CSMD1: variants seen among roughly 807,000 people sequenced by gnomAD.
CSMD1 encodes CUB and sushi domain-containing protein 1.
In CSMD1, 213 loss-of-function variants were observed where a neutral mutation model predicts 417.5. The observed-to-expected ratio is 0.51, with a 90% confidence interval of 0.46 to 0.57. CSMD1 has a LOEUF of 0.57. Ranked by LOEUF, CSMD1 falls within the 20% of genes least tolerant of loss-of-function variation. CSMD1 has a pLI of 0.00. For synonymous variants in CSMD1, 2,862 were observed against 1,736.8 expected (o/e 1.65, Z -16.11); for missense variants, 6,923 against 4,529.7 (o/e 1.53, Z -15.17).
intron 1 of CSMD1, among the ~76,000 whole-genome samples, chr8:4,857,117 C>A (rs1052015777): frequency 9.9e-5 from 15 of 151,098 alleles, no homozygotes; most frequent in Non-Finnish European, 2.1e-4. Context: ...GAATCTCACT[C>A]ACAACCGCTC....
intron 5 of CSMD1, among the ~76,000 whole-genome samples, chr8:3,841,964 A>C (rs1209156691): frequency 6.6e-6 from 1 of 152,190 alleles, no homozygotes; most frequent in Non-Finnish European, 1.5e-5. Context: ...TACTGCTTCC[A>C]AAAGCAGTTT....
At chr8:4,747,552 C>A (rs1043355494) in intron 1 of CSMD1, among the ~76,000 whole-genome samples, 1 of 152,148 alleles carries the variant, frequency 6.6e-6, no homozygotes, top group Non-Finnish European at 1.5e-5. Flanking sequence ...AATTTATGAT[C>A]CTCCTACGGT....
At position 4,380,143 on chromosome 8, in the gene CSMD1, A is replaced by G. The variant is rs1031067780; in HGVS notation, c.415+39810T>C. Among the ~76,000 whole-genome samples the G allele has an allele frequency of 6.6e-5, 10 of 152,354 alleles. No homozygotes were observed. The South Asian group carries it at 1.7e-3, about 25-fold the overall frequency. On this transcript the variant is annotated intron_variant, in intron 3 of 69. Transcript: ENST00000635120. ...GTGTTGAATTCTAAATAGTTTCTAC[A>G]TATCTGCCCTCAGAAGGTGGCATGT...
chr8:4,462,550 A>G (rs1799900122), intron 2 of CSMD1, among the ~76,000 whole-genome samples: 2 of 152,184 alleles, frequency 1.3e-5, no homozygotes, highest in African/African-American at 4.8e-5. Context: ...AATCTTTAAA[A>G]AAGAAAAATT....
intron 22 of CSMD1, 85 bp from the exon 23 acceptor site, chr8:3,343,535 A>G (rs1299757535): frequency 8.1e-7 from 1 of 1,230,578 alleles, no homozygotes; most frequent in Non-Finnish European, 1.1e-6. Flanking sequence ...CAAATCTTCA[A>G]AGATGCAGTT....
At chr8:3,750,769 T>C (rs954741023) in intron 6 of CSMD1, among the ~76,000 whole-genome samples, 3 of 152,162 alleles carry the variant, frequency 2.0e-5, no homozygotes, top group African/African-American at 7.2e-5. Flanking sequence ...TGGCAGGGAC[T>C]CTGAGAAGGG....
intron 8 of CSMD1, among the ~76,000 whole-genome samples, chr8:3,606,087 G>C (rs533741632): frequency 6.6e-6 from 1 of 152,294 alleles, no homozygotes; most frequent in East Asian, 1.9e-4. Flanking sequence ...AAAACTCAAA[G>C]ATGCTAGGAA....
intron 6 of CSMD1, among the ~76,000 whole-genome samples, chr8:3,750,372 G>A (rs754626012): frequency 1.3e-5 from 2 of 150,186 alleles, no homozygotes; most frequent in African/African-American, 4.9e-5. Flanking sequence ...TTAAATATAC[G>A]ATATATATGA....
intron 3 of CSMD1, among the ~76,000 whole-genome samples, chr8:4,346,902 G>A (rs2128898332): frequency 6.6e-6 from 1 of 152,024 alleles, no homozygotes; most frequent in East Asian, 1.9e-4. Flanking sequence ...AAACCTGGCT[G>A]GACCTCAATC....
chr8:3,501,019 A>C (rs1465792176), intron 10 of CSMD1, among the ~76,000 whole-genome samples: 3 of 152,216 alleles, frequency 2.0e-5, no homozygotes, highest in African/African-American at 7.2e-5. Context: ...TTCAAATAAT[A>C]TGTATTTTCC....
intron 3 of CSMD1, among the ~76,000 whole-genome samples, chr8:4,366,029 G>C (rs958328359): frequency 1.3e-5 from 2 of 152,068 alleles, no homozygotes; most frequent in Non-Finnish European, 2.9e-5. Context: ...CTGTCGCCCA[G>C]GTAGTGAGCA....
chr8:3,227,799 A>ACT (rs958640076), intron 27 of CSMD1, among the ~76,000 whole-genome samples: 4 of 149,326 alleles, frequency 2.7e-5, no homozygotes, highest in African/African-American at 9.9e-5. Flanking sequence ...ACAGAGTCTC[A>ACT]CTCTGTTGCA....
At chr8:3,461,931 G>T (rs192974018) in intron 12 of CSMD1, among the ~76,000 whole-genome samples, 1 of 152,244 alleles carries the variant, frequency 6.6e-6, no homozygotes, top group African/African-American at 2.4e-5. Flanking sequence ...GGCCAGCTAA[G>T]GAGGCAGATC....
chr8:4,698,945 T>C (rs958044469), intron 1 of CSMD1, among the ~76,000 whole-genome samples: 2 of 146,202 alleles, frequency 1.4e-5, no homozygotes, highest in Non-Finnish European at 3.0e-5. Flanking sequence ...CACACACCAA[T>C]TTCACCGTCG....
At chr8:4,818,145 A>C (rs1212062440) in intron 1 of CSMD1, among the ~76,000 whole-genome samples, 2 of 152,150 alleles carry the variant, frequency 1.3e-5, no homozygotes, top group African/African-American at 4.8e-5. Flanking sequence ...AAATTGCATA[A>C]TTTATGTGAC....
intron 52 of CSMD1, among the ~76,000 whole-genome samples, chr8:3,002,141 G>T (rs1210508380): frequency 2.0e-5 from 3 of 152,198 alleles, no homozygotes; most frequent in African/African-American, 4.8e-5. Flanking sequence ...CAGTTCTGGT[G>T]ATTTGTCCCA....
chr8:4,195,162 C>A (rs1585000407), intron 3 of CSMD1, among the ~76,000 whole-genome samples: 1 of 152,182 alleles, frequency 6.6e-6, no homozygotes, highest in South Asian at 2.1e-4. Flanking sequence ...CTATCCAGAA[C>A]ATGTGTGTAC....
chr8:3,837,022 C>G (rs756984723), intron 5 of CSMD1, among the ~76,000 whole-genome samples: 1 of 151,828 alleles, frequency 6.6e-6, no homozygotes, highest in Non-Finnish European at 1.5e-5. Flanking sequence ...TTACTCCCTT[C>G]TTGGTGGCCA....
intron 3 of CSMD1, among the ~76,000 whole-genome samples, chr8:4,274,539 G>C (rs538950205): frequency 6.6e-6 from 1 of 152,196 alleles, no homozygotes; most frequent in African/African-American, 2.4e-5. Flanking sequence ...ATTATAGTAA[G>C]AGGTCTGTGT....
Sources: gnomAD v4.1 joint callset for allele counts (sites outside exome capture counted in the v4.1 genomes callset) on GRCh38, gnomAD v4.1.1 for gene constraint, MANE v1.5 for transcripts, NCBI Gene and HGNC (gene_info 2026-07-23, HGNC 2026-07-21) for gene names.